SIPA1L1: variants seen among roughly 807,000 people sequenced by gnomAD.
SIPA1L1 encodes signal induced proliferation associated 1 like 1.
Under a neutral mutation model 162.7 loss-of-function variants are expected in SIPA1L1, and 26 were observed. The ratio of observed to expected loss-of-function variants is 0.16; its 90% CI spans 0.12 to 0.22. SIPA1L1 has a LOEUF of 0.22. Among genes scored for constraint, SIPA1L1 ranks in the 10% least tolerant of loss-of-function variants. The pLI, the probability that SIPA1L1 is intolerant of heterozygous loss-of-function variation, is 1.00. For missense variants in SIPA1L1, 1,874 were observed against 2,241.0 expected, an observed-to-expected ratio of 0.84 and a Z score of 3.31; for synonymous variants, 829 against 837.4, an observed-to-expected ratio of 0.99 and a Z score of 0.17.
At chr14:71,679,203 A>C (rs2045536302) in intron 12 of SIPA1L1, among the ~76,000 whole-genome samples, 1 of 152,240 alleles carries the variant, frequency 6.6e-6, no homozygotes, top group Non-Finnish European at 1.5e-5. Flanking sequence ...CAGGTTACCC[A>C]CAAAGGGAAG....
In SIPA1L1 at chr14:71,623,628, T is replaced by C. The variant is rs78908138; in HGVS notation, c.1630-420T>C. Among the ~76,000 whole-genome samples the C allele has an allele frequency of 6.0e-3, 921 of 152,336 alleles. 15 individuals are homozygous for C. The highest frequency in any genetic ancestry group is 0.021 in the African/African-American group (872 of 41,564). On this transcript the variant is annotated intron_variant, in intron 6 of 23. Coordinates refer to ENST00000381232, the MANE Select transcript of SIPA1L1 (RefSeq NM_001386936.1). ...TTAAAACTTTATCTCCCCCTTTTTA[T>C]AATTCAAAGAAGTATAACATCCAAA...
At chr14:71,531,662 T>C (rs1240225668) in intron 4 of SIPA1L1, among the ~76,000 whole-genome samples, 2 of 152,160 alleles carry the variant, frequency 1.3e-5, no homozygotes, top group African/African-American at 2.4e-5. Flanking sequence ...CCTCCCAGGC[T>C]CAAGTGATCC....
At chr14:71,724,909 A>G in intron 19 of SIPA1L1, 74 bp downstream of exon 19, 3 of 1,362,196 alleles carry the variant, frequency 2.2e-6, no homozygotes, top group Non-Finnish European at 3.1e-6. Flanking sequence ...CCATAGTCAC[A>G]CTTTCCAGAA....
chr14:71,352,747 A>G (rs1348884706), intron 2 of SIPA1L1, among the ~76,000 whole-genome samples: 1 of 152,220 alleles, frequency 6.6e-6, no homozygotes, highest in Non-Finnish European at 1.5e-5. Context: ...GTTATAGGAT[A>G]TGTGTACATT....
chr14:71,444,418 G>A (rs1366360640), intron 2 of SIPA1L1, among the ~76,000 whole-genome samples: 1 of 152,120 alleles, frequency 6.6e-6, no homozygotes, highest in Non-Finnish European at 1.5e-5. Context: ...ATAGGATAGC[G>A]TTTTGAAATC....
At chr14:71,634,752 T>C (rs1433008874) in intron 7 of SIPA1L1, among the ~76,000 whole-genome samples, 3 of 149,442 alleles carry the variant, frequency 2.0e-5, no homozygotes, top group East Asian at 2.0e-4. Context: ...CTGGCTAACA[T>C]GGTGAAACCC....
At chr14:71,542,135 A>G (rs2054440275) in intron 4 of SIPA1L1, among the ~76,000 whole-genome samples, 1 of 152,036 alleles carries the variant, frequency 6.6e-6, no homozygotes, top group Non-Finnish European at 1.5e-5. Flanking sequence ...CCTGGAGTAC[A>G]GTGCACAGTC....
At chr14:71,603,795 A>G (rs994347555) in intron 5 of SIPA1L1, among the ~76,000 whole-genome samples, 1 of 151,376 alleles carries the variant, frequency 6.6e-6, no homozygotes, top group Non-Finnish European at 1.5e-5. Context: ...CGTGCGTGTA[A>G]TCCCAGCTAC....
intron 5 of SIPA1L1, among the ~76,000 whole-genome samples, chr14:71,613,785 G>T (rs1596418142): frequency 6.6e-6 from 1 of 152,186 alleles, no homozygotes. Flanking sequence ...AACAATGGAA[G>T]TCGATGGCTG....
chr14:71,406,420 GAAT>G (rs771883172), intron 2 of SIPA1L1, among the ~76,000 whole-genome samples: 51 of 152,238 alleles, frequency 3.4e-4, no homozygotes, highest in Non-Finnish European at 5.9e-4. Context: ...GGAAGAATAA[GAAT>G]AATTTTTATG....
At chr14:71,659,266 G>A (rs2043310096) in intron 9 of SIPA1L1, among the ~76,000 whole-genome samples, 1 of 152,080 alleles carries the variant, frequency 6.6e-6, no homozygotes, top group South Asian at 2.1e-4. Flanking sequence ...GTCAATTGTT[G>A]TGCTAACAGA....
Position 71,588,309 on chromosome 14 carries a change from C to G in SIPA1L1, c.437C>G (p.Ser146Trp). The part of the protein sequence containing the change: ...QNTLKNKTRP[S>W]ENMDSRFLMP... ...ACGCTGAAAAACAAGACAAGACCGTCGGAGAACATGGACTCCAGATTTCTC... is the reference window on the plus strand; with the variant it reads ...ACGCTGAAAAACAAGACAAGACCGTGGGAGAACATGGACTCCAGATTTCTC... The change falls in exon 5 of 24, where the codon TCG (serine) becomes TGG (tryptophan). Residue 146 changes from serine to tryptophan, a missense_variant. Ser to Trp is a radical substitution (Grantham distance 177, BLOSUM62 -3). This residue lies in a region of SIPA1L1 where 685 missense variants were observed against 828.0 expected (regional missense o/e 0.83). Transcript: ENST00000381232. The surrounding 1 kb of genome is among the most constrained non-coding windows in gnomAD (Gnocchi z 4.3). The G allele has an allele frequency of 6.2e-7, 1 of 1,613,812 alleles. No individual in the cohort carries two copies.
chr14:71,610,395 A>G (rs1340689769), intron 5 of SIPA1L1, among the ~76,000 whole-genome samples: 3 of 152,216 alleles, frequency 2.0e-5, no homozygotes, highest in African/African-American at 7.2e-5. Flanking sequence ...GCTCTTAAGA[A>G]AGCTTAGACC....
In SIPA1L1 at chr14:71,739,227, T is replaced by C; in HGVS notation, c.*66T>C. ...TCCAGTGAGTGTCCTGCAGCCCTTA[T>C]TCCCTCCATAGAAAGCATCCTCAGA... On this transcript the variant is annotated 3_prime_UTR_variant, in exon 24 of 24. Transcript: ENST00000381232. The C allele has an allele frequency of 3.4e-6, 5 of 1,468,374 alleles. No individual in the cohort carries two copies. The allele number at this position is 1,468,374 out of a possible 1,614,324, so 91.0% of individuals were successfully genotyped here.
chr14:71,696,077 C>G (rs938463012), intron 13 of SIPA1L1, among the ~76,000 whole-genome samples: 1 of 152,094 alleles, frequency 6.6e-6, no homozygotes, highest in Non-Finnish European at 1.5e-5. Flanking sequence ...AACACATTAC[C>G]TGAAGTAGAA....
intron 16 of SIPA1L1, among the ~76,000 whole-genome samples, chr14:71,708,240 G>C (rs1157167569): frequency 1.3e-5 from 2 of 150,232 alleles, no homozygotes; most frequent in East Asian, 3.9e-4. Context: ...GAGCTTTATA[G>C]TTTTAGCTTT....
At chr14:71,544,100 CATGT>C (rs914975222) in intron 4 of SIPA1L1, among the ~76,000 whole-genome samples, 8 of 149,052 alleles carry the variant, frequency 5.4e-5, no homozygotes, top group African/African-American at 1.2e-4. Flanking sequence ...TACACACGCA[CATGT>C]ATGTATATAC....
chr14:71,436,667 A>G (rs546828834), intron 2 of SIPA1L1, among the ~76,000 whole-genome samples: 6 of 152,010 alleles, frequency 3.9e-5, no homozygotes, highest in African/African-American at 1.4e-4. Context: ...TCTGGCAAAT[A>G]TTAAAGCTGG....
At chr14:71,665,907 G>GTC (rs1271483113) in intron 10 of SIPA1L1, among the ~76,000 whole-genome samples, 1 of 152,020 alleles carries the variant, frequency 6.6e-6, no homozygotes, top group African/African-American at 2.4e-5. Context: ...TATGAATGTG[G>GTC]TCTCTCTCTC....
Sources: gnomAD v4.1 joint callset for allele counts (sites outside exome capture counted in the v4.1 genomes callset) on GRCh38, gnomAD v4.1.1 for gene constraint, gnomAD v4.1.1 regional missense constraint, Gnocchi (gnomAD v3.1) non-coding constraint, MANE v1.5 for transcripts, NCBI Gene and HGNC (gene_info 2026-07-23, HGNC 2026-07-21) for gene names.